Variants in STK33 observed in about 807,000 individuals in gnomAD.
STK33 encodes the protein serine/threonine kinase 33.
In STK33, 52 loss-of-function variants were observed where a neutral mutation model predicts 58.0. That is an observed-to-expected ratio of 0.90 (90% CI 0.72 to 1.13). The LOEUF (loss-of-function observed/expected upper bound fraction) is 1.13, where lower values mean the gene tolerates loss of function less well. STK33 is among the 50% of genes most tolerant of loss of function. The probability of loss-of-function intolerance (pLI) is 0.00; values close to 1 mark genes in which losing one functional copy is unlikely to be tolerated. For missense variants in STK33, 630 were observed against 604.2 expected, an observed-to-expected ratio of 1.04 and a Z score of -0.45; for synonymous variants, 215 against 200.1, an observed-to-expected ratio of 1.07 and a Z score of -0.63.
intron 4 of STK33, among the ~76,000 whole-genome samples, chr11:8,476,063 T>A (rs771334499): frequency 1.3e-5 from 2 of 152,194 alleles, no homozygotes; most frequent in Non-Finnish European, 2.9e-5. Context: ...TCTGCCAGGC[T>A]CATACGATTT....
At position 8,474,963 on chromosome 11, in the gene STK33, A is replaced by T; in HGVS notation, c.-58T>A. On this transcript the variant is annotated 5_prime_UTR_variant, in exon 5 of 16. Transcript: ENST00000687296. ...AATGTTTCCACTGTTTGAGGAAGAA[A>T]ACCAGGCCAAAAAGGATAAGGTAGT... The T allele has an allele frequency of 1.3e-6, 2 of 1,493,610 alleles. No homozygotes were observed. Among genetic ancestry groups the T allele is most frequent in the Middle Eastern group, 1.9e-4 (1 of 5,178 alleles). 92.5% of individuals were successfully genotyped at this position (1,493,610 alleles called of 1,614,324 possible).
rs1231621655 is a variant in STK33, at chr11:8,402,037, C to A, written c.1345-9327G>T. Among the ~76,000 whole-genome samples the A allele has an allele frequency of 5.7e-4, 87 of 152,138 alleles. 1 individual carries two copies. Among genetic ancestry groups the A allele is most frequent in the Non-Finnish European group, 2.5e-4 (17 of 68,036 alleles). On this transcript the variant is annotated intron_variant, in intron 15 of 15. Transcript: ENST00000687296. ...TTGGTGGGACTGTAAACTAGTTCAA[C>A]CATTGTGGAAGTCAGTGTGGCGATT... is the stretch of plus-strand genomic sequence containing the variant.
chr11:8,567,703 A>G (rs1452834818), intron 1 of STK33, among the ~76,000 whole-genome samples: 1 of 152,214 alleles, frequency 6.6e-6, no homozygotes, highest in Non-Finnish European at 1.5e-5. Context: ...GGCATGATGA[A>G]TAACACCAGA....
At chr11:8,580,088 C>G (rs1313642978) in intron 1 of STK33, among the ~76,000 whole-genome samples, 1 of 152,104 alleles carries the variant, frequency 6.6e-6, no homozygotes, top group South Asian at 2.1e-4. Flanking sequence ...ACAGAGCTAC[C>G]ATATGATCCA....
At chr11:8,385,815 C>T in the STK33 span, among the ~76,000 whole-genome samples, 1 of 151,744 alleles carries the variant, frequency 6.6e-6, no homozygotes, top group Non-Finnish European at 1.5e-5. Flanking sequence ...CGCTCTTTTG[C>T]CCAGGCTGGA....
chr11:8,490,605 G>A (rs1298484253), intron 1 of STK33, among the ~76,000 whole-genome samples: 1 of 152,196 alleles, frequency 6.6e-6, no homozygotes, highest in East Asian at 1.9e-4. Context: ...AGAACGGACA[G>A]ACTACCTCCT....
At chr11:8,344,131 G>A in the STK33 span, among the ~76,000 whole-genome samples, 17 of 151,908 alleles carry the variant, frequency 1.1e-4, no homozygotes, top group Non-Finnish European at 2.4e-4. Context: ...TGAGAGAATC[G>A]AGTGAGGTCA....
chr11:8,382,298 C>T, the STK33 span, among the ~76,000 whole-genome samples: 1 of 152,332 alleles, frequency 6.6e-6, no homozygotes, highest in East Asian at 1.9e-4. Context: ...CCCTGGCTGA[C>T]CAGAGGCTGC....
At position 8,472,166 on chromosome 11, in the gene STK33, T is replaced by C. The variant is rs758817510; in HGVS notation, c.339+997A>G. On this transcript the variant is annotated intron_variant, in intron 6 of 15. Transcript: ENST00000687296. ...CTGGTCTCAAACTCTTGGCCTCAAG[T>C]GATCCTCCTTCCTCAGCCTTTCAAA... Among the ~76,000 whole-genome samples the C allele has an allele frequency of 8.7e-4, 132 of 152,288 alleles. 2 individuals are homozygous for C. The highest frequency in any genetic ancestry group is 1.4e-3 in the Non-Finnish European group (92 of 68,020).
At chr11:8,521,235 G>C (rs1317157918) in intron 1 of STK33, among the ~76,000 whole-genome samples, 1 of 151,882 alleles carries the variant, frequency 6.6e-6, no homozygotes, top group African/African-American at 2.4e-5. Flanking sequence ...ACTATATAAG[G>C]CTACAGTAAC....
the STK33 span, among the ~76,000 whole-genome samples, chr11:8,348,235 C>G: frequency 6.6e-6 from 1 of 152,198 alleles, no homozygotes; most frequent in African/African-American, 2.4e-5. Context: ...TTAGTCCATT[C>G]TCATGCTGCT....
chr11:8,500,832 C>A (rs1199951236), intron 1 of STK33, among the ~76,000 whole-genome samples: 1 of 152,082 alleles, frequency 6.6e-6, no homozygotes, highest in African/African-American at 2.4e-5. Flanking sequence ...CTACAACAGA[C>A]ATATAGATCA....
At chr11:8,457,509 A>T in intron 8 of STK33, 30 bp from the exon 9 acceptor site, 2 of 1,526,138 alleles carry the variant, frequency 1.3e-6, no homozygotes, top group Non-Finnish European at 1.8e-6. Flanking sequence ...AGAGAGAGAG[A>T]GCAAATTATA....
chr11:8,383,509 G>C, the STK33 span, among the ~76,000 whole-genome samples: 2 of 152,306 alleles, frequency 1.3e-5, no homozygotes, highest in African/African-American at 4.8e-5. Flanking sequence ...TGGGCTGAAG[G>C]AACAGTTCAG....
At chr11:8,488,422 C>A (rs916381768) in intron 1 of STK33, among the ~76,000 whole-genome samples, 2 of 151,930 alleles carry the variant, frequency 1.3e-5, no homozygotes, top group South Asian at 4.2e-4. Context: ...ACTTGAGAAG[C>A]TCCTAAACTC....
chr11:8,497,190 G>T (rs1365773992), intron 1 of STK33, among the ~76,000 whole-genome samples: 1 of 152,078 alleles, frequency 6.6e-6, no homozygotes, highest in Non-Finnish European at 1.5e-5. Context: ...AATATTTGAA[G>T]AAATAATGGC....
intron 15 of STK33, among the ~76,000 whole-genome samples, chr11:8,396,390 A>G (rs911435952): frequency 9.9e-5 from 15 of 152,194 alleles, no homozygotes; most frequent in Admixed American, 5.2e-4. Flanking sequence ...GTGTATGGGT[A>G]CCTTACCATT....
chr11:8,503,315 T>C lies in STK33; in HGVS notation c.-465-22701A>G, dbSNP rs117206806. 1.6e-3 allele frequency among the ~76,000 whole-genome samples: 243 copies of C among 152,260 alleles called. 4 individuals are homozygous for C. In the East Asian group the frequency reaches 0.035, roughly 22 times the overall value. On this transcript the variant is annotated intron_variant, in intron 1 of 15. Coordinates refer to ENST00000687296, the MANE Select transcript of STK33 (RefSeq NM_001352389.2). ...AAAAAGAATAAGATCATGTCTTTTGTAGCAACATAGATGGATTGGAGGCCA... is the reference window on the plus strand; with the variant it reads ...AAAAAGAATAAGATCATGTCTTTTGCAGCAACATAGATGGATTGGAGGCCA...
chr11:8,381,110 CAGA>C, the STK33 span, among the ~76,000 whole-genome samples: 1 of 152,192 alleles, frequency 6.6e-6, no homozygotes, highest in African/African-American at 2.4e-5. Context: ...TATGGAGATT[CAGA>C]AGGAGTGCTG....
Sources: allele counts gnomAD v4.1 joint callset (sites outside exome capture counted in the v4.1 genomes callset), GRCh38; gene constraint gnomAD v4.1.1; transcripts MANE v1.5; gene names NCBI Gene and HGNC (gene_info 2026-07-23, HGNC 2026-07-21).